RABGEF1: variants seen among roughly 807,000 people sequenced by gnomAD.
RABGEF1 encodes rab5 GDP/GTP exchange factor.
A neutral mutation model predicts 57.3 loss-of-function variants in RABGEF1; 26 were observed. The ratio of observed to expected loss-of-function variants is 0.45; its 90% confidence interval spans 0.33 to 0.63. The LOEUF is 0.63. Ranked by LOEUF, RABGEF1 falls within the 20% of genes least tolerant of loss-of-function variation. The pLI is 0.02. For missense variants in RABGEF1, 464 were observed against 607.6 expected, an observed-to-expected ratio of 0.76 and a Z score of 2.48; for synonymous variants, 185 against 210.7, an observed-to-expected ratio of 0.88 and a Z score of 1.06.
chr7:66,800,281 G>T (rs1786987036), intron 7 of RABGEF1, among the ~76,000 whole-genome samples: 1 of 152,166 alleles, frequency 6.6e-6, no homozygotes, highest in Admixed American at 6.6e-5. Flanking sequence ...TATAAAGGAG[G>T]TGGAGTCTTT....
At chr7:66,720,716 AAAAAGT>A (rs1795949626) in intron 2 of RABGEF1, among the ~76,000 whole-genome samples, 1 of 152,128 alleles carries the variant, frequency 6.6e-6, no homozygotes. Context: ...ATAAAAGAAG[AAAAAGT>A]AAAAGACATA....
chr7:66,661,769 A>G, the RABGEF1 span, among the ~76,000 whole-genome samples: 2 of 152,220 alleles, frequency 1.3e-5, no homozygotes, highest in Admixed American at 6.5e-5. Flanking sequence ...AACTCATTCT[A>G]TGAGGCCAGC....
intron 1 of RABGEF1, among the ~76,000 whole-genome samples, chr7:66,696,427 C>T (rs138629137): frequency 2.2e-4 from 34 of 152,142 alleles, no homozygotes; most frequent in African/African-American, 7.2e-4. Context: ...TGGTGGCTCA[C>T]GCCTGTAATC....
At chr7:66,736,482 A>AC (rs1411912358), upstream of RABGEF1, among the ~76,000 whole-genome samples, 1 of 152,204 alleles carries the variant, frequency 6.6e-6, no homozygotes. Context: ...CAATGTGAGC[A>AC]AGAGCACTAA....
chr7:66,788,438 CA>C (rs779817276), intron 4 of RABGEF1, among the ~76,000 whole-genome samples: 1 of 150,360 alleles, frequency 6.7e-6, no homozygotes, highest in Non-Finnish European at 1.5e-5. Flanking sequence ...AGCAAGACTC[CA>C]TCTCAAAAAA....
intron 2 of RABGEF1, among the ~76,000 whole-genome samples, chr7:66,715,095 C>T (rs988602775): frequency 2.6e-5 from 4 of 151,184 alleles, no homozygotes; most frequent in African/African-American, 9.7e-5. Flanking sequence ...CCTCCTTCTC[C>T]TCTCCTCCTC....
upstream of RABGEF1, among the ~76,000 whole-genome samples, chr7:66,737,398 C>T (rs892468990): frequency 1.3e-5 from 2 of 151,474 alleles, no homozygotes; most frequent in Non-Finnish European, 2.9e-5. Flanking sequence ...GGACTACAGG[C>T]GTGTGCCACC....
rs1809502207 is a variant in RABGEF1 at position 66,780,001 on chromosome 7, T to A, written c.347-3674T>A. On this transcript the variant is annotated intron_variant, in intron 3 of 8. Transcript: ENST00000284957. ...TTGATTTTAGTAACTTGTATGATCA[T>A]AACTAGCTAGTAGAGTTAATCCTCA... 2.6e-5 allele frequency among the ~76,000 whole-genome samples: 4 copies of A among 152,238 alleles called. 1 individual carries two copies. Among genetic ancestry groups the A allele is most frequent in the African/African-American group, 9.6e-5 (4 of 41,470 alleles).
intron 1 of RABGEF1, among the ~76,000 whole-genome samples, chr7:66,749,929 G>A (rs1056528348): frequency 3.3e-5 from 5 of 152,046 alleles, no homozygotes; most frequent in African/African-American, 7.2e-5. Context: ...AGCCGAGATC[G>A]CACCACTGCA....
intron 1 of RABGEF1, among the ~76,000 whole-genome samples, chr7:66,746,758 G>C (rs1252271730): frequency 6.6e-6 from 1 of 150,998 alleles, no homozygotes; most frequent in Non-Finnish European, 1.5e-5. Flanking sequence ...TGAGTAGCTG[G>C]GAATATGGGC....
chr7:66,697,977 C>T (rs1422055545), intron 1 of RABGEF1, among the ~76,000 whole-genome samples: 1 of 152,130 alleles, frequency 6.6e-6, no homozygotes, highest in Admixed American at 6.5e-5. Context: ...ATCCCCACTA[C>T]CTAGGCTGGG....
At chr7:66,711,712 G>T (rs989141925) in intron 1 of RABGEF1, among the ~76,000 whole-genome samples, 1 of 151,520 alleles carries the variant, frequency 6.6e-6, no homozygotes, top group African/African-American at 2.4e-5. Flanking sequence ...TCAGCCTCCC[G>T]AGTAGCTGGA....
At chr7:66,773,076 G>GTTTTTTTTTT (rs1807582875) in intron 2 of RABGEF1, among the ~76,000 whole-genome samples, 2 of 118,668 alleles carry the variant, frequency 1.7e-5, no homozygotes, top group Non-Finnish European at 1.9e-5. Flanking sequence ...CCTCTAGCTA[G>GTTTTTTTTTT]TTGTTTGTTT....
At chr7:66,769,254 G>T (rs569970188) in intron 1 of RABGEF1, among the ~76,000 whole-genome samples, 1 of 152,336 alleles carries the variant, frequency 6.6e-6, no homozygotes, top group South Asian at 2.1e-4. Flanking sequence ...ATAGTGCACA[G>T]TGCATACTGT....
intron 2 of RABGEF1, among the ~76,000 whole-genome samples, chr7:66,723,602 C>T (rs748068447): frequency 2.8e-4 from 42 of 151,452 alleles, no homozygotes; most frequent in Non-Finnish European, 2.5e-4. Context: ...TTTTTTGAGA[C>T]GGAGTCTCAC....
intron 4 of RABGEF1, among the ~76,000 whole-genome samples, chr7:66,784,180 G>A (rs1303870301): frequency 1.3e-5 from 2 of 152,162 alleles, no homozygotes; most frequent in Non-Finnish European, 2.9e-5. Context: ...ACCATTGTTA[G>A]GCCAGTGGCA....
rs1245786910 is a variant in RABGEF1, at chr7:66,809,505, G to T, written c.*221G>T. The T allele has an allele frequency of 4.7e-6, 2 of 425,850 alleles. No homozygotes were observed. The allele number at this position is 425,850 out of a possible 1,614,324, so 26.4% of individuals were successfully genotyped here. ...ACTGATACAGATTCATTTAAGGCTTGTGTGCAAATTTTGTCTCAATCTTTT... is the reference window on the plus strand; with the variant it reads ...ACTGATACAGATTCATTTAAGGCTTTTGTGCAAATTTTGTCTCAATCTTTT... On this transcript the variant is annotated 3_prime_UTR_variant, in exon 9 of 9. Transcript: ENST00000284957.
At chr7:66,757,643 G>A (rs1396232351) in intron 1 of RABGEF1, among the ~76,000 whole-genome samples, 4 of 152,132 alleles carry the variant, frequency 2.6e-5, no homozygotes, top group African/African-American at 9.7e-5. Flanking sequence ...ATGGAGTCTC[G>A]CTCTGCCGCC....
chr7:66,713,374 C>T (rs527274295), intron 2 of RABGEF1, among the ~76,000 whole-genome samples: 18 of 151,770 alleles, frequency 1.2e-4, no homozygotes, highest in South Asian at 6.3e-4. Context: ...GTGATCGGCC[C>T]GCCTTGGCCC....
Sources: allele counts gnomAD v4.1 joint callset (sites outside exome capture counted in the v4.1 genomes callset), GRCh38; gene constraint gnomAD v4.1.1; transcripts MANE v1.5; gene names NCBI Gene and HGNC (gene_info 2026-07-23, HGNC 2026-07-21).